SLC5A10: variants seen among roughly 807,000 people sequenced by gnomAD.
SLC5A10 encodes the protein solute carrier family 5 member 10.
A neutral mutation model predicts 68.9 loss-of-function variants in SLC5A10; 55 were observed. That is an observed-to-expected ratio of 0.80 (90% confidence interval 0.64 to 1.00). SLC5A10 has a LOEUF of 1.00. SLC5A10 is among the 50% of genes least tolerant of loss of function. SLC5A10 has a pLI of 0.00. For synonymous variants in SLC5A10, 344 were observed against 344.8 expected (o/e 1.00, Z 0.02); for missense variants, 732 against 819.3 (o/e 0.89, Z 1.30).
intron 5 of SLC5A10, among the ~76,000 whole-genome samples, chr17:18,963,580 G>A (rs923343671): frequency 2.6e-5 from 4 of 152,250 alleles, no homozygotes; most frequent in South Asian, 2.1e-4. Context: ...TGAAGTGCAC[G>A]CGCCCAGGCG....
At chr17:19,014,977 A>G in intron 10 of SLC5A10, 72 bp from the exon 11 acceptor site, 1 of 1,542,162 alleles carries the variant, frequency 6.5e-7, no homozygotes, top group Non-Finnish European at 8.8e-7. Context: ...CAGGCATTAG[A>G]GCCCAGGCGG....
chr17:18,976,033 C>T (rs2042967914), intron 8 of SLC5A10: 1 of 150,500 alleles, frequency 6.6e-6, no homozygotes, highest in Admixed American at 6.6e-5. Flanking sequence ...TTTAAAAATA[C>T]AAAAAATTAG....
intron 9 of SLC5A10, among the ~76,000 whole-genome samples, chr17:19,001,695 G>A (rs2043732741): frequency 6.6e-6 from 1 of 152,254 alleles, no homozygotes. Context: ...TCATGGGACT[G>A]TACGGAGTGG....
chr17:18,956,548 C>T (rs1022445092), intron 1 of SLC5A10, among the ~76,000 whole-genome samples: 14 of 144,976 alleles, frequency 9.7e-5, no homozygotes, highest in East Asian at 2.1e-4. Context: ...GCCATCTTGG[C>T]TCACTGCAGC....
rs1427334355 is a variant in SLC5A10, at chr17:19,020,446, A to C, written c.*15A>C. ...ACTTCGCCTGACACTGCCATCCTGG[A>C]CAGAAAGGCAGGAGCTCTGAGTCCT... On this transcript the variant is annotated 3_prime_UTR_variant, in exon 15 of 15. Transcript: ENST00000395645. The C allele has an allele frequency of 6.2e-7, 1 of 1,611,748 alleles. No individual in the cohort carries two copies. Among genetic ancestry groups the C allele is most frequent in the African/African-American group, 1.3e-5 (1 of 74,972 alleles).
chr17:18,979,518 C>T lies in SLC5A10; in HGVS notation c.982+2529C>T, dbSNP rs762325698. 58 of 1,610,278 alleles carry T rather than the reference C, an allele frequency of 3.6e-5. No individual in the cohort carries two copies. The South Asian group carries it at 4.5e-4, about 13-fold the overall frequency. ...CCAGTTGGGAGCCAGAGGTACCTCT[C>T]GCACAACTTCCCTGAAAGCTGGAGA... is the stretch of plus-strand genomic sequence containing the variant. On this transcript the variant is annotated intron_variant, in intron 9 of 14. Coordinates refer to ENST00000395645, the MANE Select transcript of SLC5A10 (RefSeq NM_001042450.4).
rs2043581718 is a variant in SLC5A10, at chr17:18,996,803, G to A, written c.983-16607G>A. 6.6e-6 allele frequency among the ~76,000 whole-genome samples: 1 copy of A among 152,182 alleles called. No individual in the cohort carries two copies. Among genetic ancestry groups the A allele is most frequent in the African/African-American group, 2.4e-5 (1 of 41,442 alleles). On this transcript the variant is annotated intron_variant, in intron 9 of 14. Transcript: ENST00000395645. The surrounding 1 kb of genome is among the most constrained non-coding windows in gnomAD (Gnocchi z 4.4). ...CTTTTCTCCTAATGGGGGACCCTGT[G>A]TCCATTCCAACCTCTGAACCCACCC...
In SLC5A10 at chr17:19,021,537, G is replaced by A; in HGVS notation, c.*1106G>A. The A allele has an allele frequency of 3.1e-6, 1 of 321,178 alleles. No individual in the cohort carries two copies. Among genetic ancestry groups the A allele is most frequent in the Admixed American group, 4.9e-5 (1 of 20,238 alleles). 19.9% of individuals were successfully genotyped at this position (321,178 alleles called of 1,614,324 possible). ...AACTCCAGGGGCCTTTTGAGGGAGG[G>A]GCAGGCAGGCCCAGTGGGTGGTCAG... On this transcript the variant is annotated 3_prime_UTR_variant, in exon 15 of 15. Coordinates refer to ENST00000395645, the MANE Select transcript of SLC5A10 (RefSeq NM_001042450.4). This position sits in a 1 kb window ranked among gnomAD's most constrained non-coding sequence, Gnocchi z 4.1.
chr17:18,959,348 G>A, intron 3 of SLC5A10, 109 bp downstream of exon 3: 1 of 1,210,718 alleles, frequency 8.3e-7, no homozygotes, highest in Non-Finnish European at 1.2e-6. Context: ...TGTCCAGGTG[G>A]GCTCTGTGCA....
At position 18,981,182 on chromosome 17, in the gene SLC5A10, G is replaced by A. The variant is rs545158174; in HGVS notation, c.982+4193G>A. Among the ~76,000 whole-genome samples the A allele has an allele frequency of 6.6e-5, 10 of 152,330 alleles. No individual in the cohort carries two copies. In the South Asian group the frequency reaches 2.1e-3, roughly 32 times the overall value. ...GCTGAATGCCCAGGATCGCAGAGGA[G>A]TAGCCTGAAGTGTGAAGGGCTGGCC... On this transcript the variant is annotated intron_variant, in intron 9 of 14. Transcript: ENST00000395645.
rs1344691362 is a variant in SLC5A10, at chr17:19,020,710, C to T, written c.*279C>T. 9 of 472,598 alleles carry T rather than the reference C, an allele frequency of 1.9e-5. No homozygotes were observed. The highest frequency in any genetic ancestry group is 3.9e-5 in the African/African-American group (2 of 51,106). The allele number at this position is 472,598 out of a possible 1,614,324, so 29.3% of individuals were successfully genotyped here. On this transcript the variant is annotated 3_prime_UTR_variant, in exon 15 of 15. Transcript: ENST00000395645. ...ATCCTGATGTTGGTTTTACTGTTTT[C>T]GTTTTGAATACACAGGCTGGGTCAG...
chr17:18,963,892 G>A (rs535988425), intron 5 of SLC5A10, among the ~76,000 whole-genome samples: 2 of 152,326 alleles, frequency 1.3e-5, no homozygotes, highest in South Asian at 2.1e-4. Context: ...GGTCCTCCAC[G>A]GGGGTCGCTT....
At position 19,017,193 on chromosome 17, in the gene SLC5A10, C is replaced by G; in HGVS notation, c.1241+1994C>G. On this transcript the variant is annotated intron_variant, in intron 11 of 14. Coordinates refer to ENST00000395645, the MANE Select transcript of SLC5A10 (RefSeq NM_001042450.4). The surrounding 1 kb of genome is among the most constrained non-coding windows in gnomAD (Gnocchi z 5.6). ...GGCAGGTTGCTCACCCTCTCTGGGC[C>G]CCAGTTCTCTCAGCTGCCAGCTGGA... is the stretch of plus-strand genomic sequence containing the variant. 8.3e-7 allele frequency: 1 copy of G among 1,206,764 alleles called. No homozygotes were observed. Among genetic ancestry groups the G allele is most frequent in the Non-Finnish European group, 1.2e-6 (1 of 844,028 alleles). 74.8% of individuals were successfully genotyped at this position (1,206,764 alleles called of 1,614,324 possible).
intron 13 of SLC5A10, 37 bp from the exon 14 acceptor site, chr17:19,020,118 C>CCCCCCCCCCCA: frequency 1.4e-6 from 2 of 1,462,890 alleles, no homozygotes; most frequent in Non-Finnish European, 1.9e-6. Flanking sequence ...CCCTGCCATC[C>CCCCCCCCCCCA]CCCACCCCCA....
Position 18,971,312 on chromosome 17 carries a change from T to A in SLC5A10, c.846+94T>A. On this transcript the variant is annotated intron_variant, in intron 8 of 14. Transcript: ENST00000395645. This position sits in a 1 kb window ranked among gnomAD's most constrained non-coding sequence, Gnocchi z 5.5. ...GCCTGTCTGCCCTCCGCGTCATGAG[T>A]CTGGGCTGGGGCCTCAGAAGGTGTG... 1.2e-6 allele frequency: 2 copies of A among 1,607,532 alleles called. No homozygotes were observed. Among genetic ancestry groups the A allele is most frequent in the Non-Finnish European group, 1.7e-6 (2 of 1,175,820 alleles).
Position 19,015,155 on chromosome 17 carries a change from G to C in SLC5A10, c.1197G>C (p.Arg399=). Residue 399 remains arginine (R), a synonymous_variant, in exon 11 of 15, where the codon CGG becomes CGC. Transcript: ENST00000395645. ...TCTTCACTATGGACATCTGGAGGCG[G>C]CTGCGTCCCCGCTCCGGCGAGCGGG... ...STLFTMDIWR[R]LRPRSGEREL... 1 of 1,610,632 alleles carries C rather than the reference G, an allele frequency of 6.2e-7. No individual in the cohort carries two copies. The highest frequency in any genetic ancestry group is 8.5e-7 in the Non-Finnish European group (1 of 1,177,918).
Position 18,952,211 on chromosome 17 carries a change from C to T in SLC5A10, c.6C>T (p.Ala2=), listed in dbSNP as rs370104489. ...GTGCCTGCGGCAGGACAGCCATGGC[C>T]GCCAACTCCACCAGCGACCTCCACA... M[A]ANSTSDLHTP... The change falls in exon 1 of 15, where the codon GCC becomes GCT. Residue 2 remains alanine (A), a synonymous_variant. Coordinates refer to ENST00000395645, the MANE Select transcript of SLC5A10 (RefSeq NM_001042450.4). 66 of 1,612,302 alleles carry T rather than the reference C, an allele frequency of 4.1e-5. No homozygotes were observed. The African/African-American group carries it at 7.9e-4, about 19-fold the overall frequency.
rs547155695 is a variant in SLC5A10 at position 19,006,154 on chromosome 17, A to G, written c.983-7256A>G. Among the ~76,000 whole-genome samples the G allele has an allele frequency of 1.8e-3, 276 of 152,368 alleles. 1 individual carries two copies. Among genetic ancestry groups the G allele is most frequent in the Non-Finnish European group, 3.2e-3 (219 of 68,034 alleles). ...GTTTTCCCCAGTAGCGACGTTTTGC[A>G]TAACTATAATACAATAATATCACAG... On this transcript the variant is annotated intron_variant, in intron 9 of 14. Transcript: ENST00000395645.
chr17:19,012,383 G>T (rs547117185), intron 9 of SLC5A10, among the ~76,000 whole-genome samples: 1 of 152,236 alleles, frequency 6.6e-6, no homozygotes, highest in Admixed American at 6.5e-5. Context: ...TGGGAAATTC[G>T]TGAGTCCTTT....
Sources: allele counts gnomAD v4.1 joint callset (sites outside exome capture counted in the v4.1 genomes callset), GRCh38; gene constraint gnomAD v4.1.1; non-coding constraint Gnocchi (gnomAD v3.1); transcripts MANE v1.5; gene names NCBI Gene and HGNC (gene_info 2026-07-23, HGNC 2026-07-21).